The following ZNF667 variants were observed in gnomAD, a reference collection of about 807,000 sequenced individuals.
ZNF667 encodes the protein zinc finger protein 667.
ZNF667 carries 13 observed loss-of-function variants against 31.8 expected under a neutral mutation model. The ratio of observed to expected loss-of-function variants is 0.41; its 90% CI spans 0.27 to 0.65. ZNF667 has a LOEUF of 0.65. Among genes scored for constraint, ZNF667 ranks in the 30% least tolerant of loss-of-function variants. ZNF667 has a pLI of 0.32. For synonymous variants in ZNF667, 228 were observed against 247.1 expected, an observed-to-expected ratio of 0.92 and a Z score of 0.73; for missense variants, 642 against 725.6, an observed-to-expected ratio of 0.88 and a Z score of 1.32.
chr19:56,467,557 T>C (rs188259627), intron 3 of ZNF667, among the ~76,000 whole-genome samples: 1 of 152,056 alleles, frequency 6.6e-6, no homozygotes, highest in Admixed American at 6.5e-5. Context: ...ATCCCAGAGC[T>C]TGAGGTCTCA....
chr19:56,441,633 G>A lies in ZNF667; in HGVS notation c.1362C>T (p.Arg454=). The change falls in exon 7 of 7, where the codon CGC becomes CGT. Residue 454 remains arginine (R), a synonymous_variant. Transcript: ENST00000504904. This position sits in a 1 kb window ranked among gnomAD's most constrained non-coding sequence, Gnocchi z 4.2. ...TTTGATGTTCAATAAGAAATGATTG[G>A]CGGCCGAAAACTTTACTACATTTAT... ...KCNKCSKVFG[R]QSFLIEHQRI... is the part of the protein sequence containing the mutation. The A allele has an allele frequency of 1.2e-6, 2 of 1,613,966 alleles. No individual in the cohort carries two copies. Among genetic ancestry groups the A allele is most frequent in the Non-Finnish European group, 1.7e-6 (2 of 1,179,956 alleles).
chr19:56,450,373 A>G (rs1007241698), intron 6 of ZNF667, among the ~76,000 whole-genome samples: 1 of 152,210 alleles, frequency 6.6e-6, no homozygotes, highest in Non-Finnish European at 1.5e-5. Context: ...TCCAGTGAAA[A>G]TGCCCTTCAA....
intron 3 of ZNF667, among the ~76,000 whole-genome samples, chr19:56,469,691 A>T (rs936311731): frequency 6.6e-6 from 1 of 151,792 alleles, no homozygotes; most frequent in Non-Finnish European, 1.5e-5. Flanking sequence ...TGGTTCAGAT[A>T]TTTTTTTTCA....
chr19:56,467,631 T>A (rs192528469), intron 3 of ZNF667: 1 of 152,354 alleles, frequency 6.6e-6, no homozygotes, highest in Admixed American at 6.5e-5. Flanking sequence ...ACTTCAGGAA[T>A]GTTTGACTGA....
At chr19:56,464,531 A>G (rs2043118048) in intron 3 of ZNF667, among the ~76,000 whole-genome samples, 1 of 152,214 alleles carries the variant, frequency 6.6e-6, no homozygotes, top group South Asian at 2.1e-4. Flanking sequence ...AACTTTAATG[A>G]TAAATGTGTT....
At chr19:56,469,950 C>T in intron 3 of ZNF667, 1 of 492,524 alleles carries the variant, frequency 2.0e-6, no homozygotes, top group Non-Finnish European at 4.1e-6. Flanking sequence ...TCACATGTAT[C>T]AGGTGCCACT....
chr19:56,477,131 CCGCCCACGCAAGCACCCGCGCAGA>C (rs1282948001), intron 1 of ZNF667, 117 bp downstream of exon 1: 1 of 152,254 alleles, frequency 6.6e-6, no homozygotes, highest in Non-Finnish European at 1.5e-5. Flanking sequence ...CGCGAGCCCA[CCGCCCACGCAAGCACCCGCGCAGA>C]CGCCCACGCC....
intron 3 of ZNF667, chr19:56,469,924 G>T (rs368383727): frequency 1.0e-5 from 5 of 493,356 alleles, no homozygotes; most frequent in Non-Finnish European, 2.0e-5. Context: ...CCACTAAACC[G>T]GGGTAGGGGT....
At chr19:56,453,216 T>C (rs901870997) in intron 6 of ZNF667, among the ~76,000 whole-genome samples, 1 of 152,084 alleles carries the variant, frequency 6.6e-6, no homozygotes, top group Non-Finnish European at 1.5e-5. Context: ...AACAATGAGA[T>C]TGAAGCTGTA....
chr19:56,462,539 A>T, intron 3 of ZNF667, 110 bp from the exon 4 acceptor site: 1 of 712,490 alleles, frequency 1.4e-6, no homozygotes, highest in Non-Finnish European at 2.5e-6. Flanking sequence ...ACGTGCACAC[A>T]CACACACAGA....
intron 3 of ZNF667, 121 bp from the exon 4 acceptor site, chr19:56,462,550 T>C: frequency 4.5e-6 from 3 of 673,300 alleles, no homozygotes; most frequent in Non-Finnish European, 8.0e-6. Context: ...CACACACAGA[T>C]GTCAGAACAC....
chr19:56,455,327 C>A (rs1346422631), intron 6 of ZNF667, among the ~76,000 whole-genome samples: 1 of 151,878 alleles, frequency 6.6e-6, no homozygotes, highest in Non-Finnish European at 1.5e-5. Flanking sequence ...TTGGTATATA[C>A]CCCCCCAAAA....
At chr19:56,467,169 A>C in intron 3 of ZNF667, 1 of 383,972 alleles carries the variant, frequency 2.6e-6, no homozygotes, top group South Asian at 1.9e-5. Flanking sequence ...TAAGGGGAAT[A>C]CTTGACTTCA....
At chr19:56,466,137 G>A (rs891915093) in intron 3 of ZNF667, among the ~76,000 whole-genome samples, 1 of 152,210 alleles carries the variant, frequency 6.6e-6, no homozygotes, top group Non-Finnish European at 1.5e-5. Flanking sequence ...CACTGGGAGA[G>A]GACTCCAGGG....
In ZNF667 at chr19:56,441,287, G is replaced by C. The variant is rs371730031; in HGVS notation, c.1708C>G (p.Leu570Val). 1 of 1,613,836 alleles carries C rather than the reference G, an allele frequency of 6.2e-7. No individual in the cohort carries two copies. The highest frequency in any genetic ancestry group is 8.5e-7 in the Non-Finnish European group (1 of 1,179,830). Residue 570 changes from leucine to valine, a missense_variant, in exon 7 of 7, where the codon CTT becomes GTT. By Grantham distance (32) the Leu-to-Val change is conservative. Transcript: ENST00000504904. This position sits in a 1 kb window ranked among gnomAD's most constrained non-coding sequence, Gnocchi z 4.2. ...GAATGACTTCTCTGATGTCGAATAA[G>C]GTCTGAGCCACTGCTAAATGCCTTC... ...CGKAFSSGSD[L>V]IRHQRSHSSE...
chr19:56,441,221 ATGCC>A lies in ZNF667; in HGVS notation c.1770_1773del (p.Lys590AsnfsTer8). On this transcript the variant is annotated frameshift_variant, in exon 7 of 7. Transcript: ENST00000504904. LOFTEE classifies it high-confidence loss of function. The surrounding 1 kb of genome is among the most constrained non-coding windows in gnomAD (Gnocchi z 4.2). ...CGAATCAGGGATGAACTCCGACTAT[ATGCC>A]TTCCCACATTTACTACATTCATAGG... 1 of 1,614,122 alleles carries A rather than the reference ATGCC, an allele frequency of 6.2e-7. No homozygotes were observed. Among genetic ancestry groups the A allele is most frequent in the Non-Finnish European group, 8.5e-7 (1 of 1,179,964 alleles).
chr19:56,469,996 T>C (rs746831969), intron 3 of ZNF667: 1 of 467,840 alleles, frequency 2.1e-6, no homozygotes, highest in South Asian at 1.5e-5. Flanking sequence ...TGTGAGCACA[T>C]TTGCCTTCTG....
At chr19:56,474,300 T>A (rs1276406291) in intron 1 of ZNF667, 176 bp from the exon 2 acceptor site, 1 of 152,294 alleles carries the variant, frequency 6.6e-6, no homozygotes, top group Non-Finnish European at 1.5e-5. Context: ...TTAAATGCAC[T>A]GCCACAGCCT....
In ZNF667 at chr19:56,441,903, G is replaced by A. The variant is rs3760850; in HGVS notation, c.1092C>T (p.Asp364=). 93,067 of 1,613,942 alleles carry A rather than the reference G, an allele frequency of 0.058. 8,942 individuals are homozygous for A. The highest frequency in any genetic ancestry group is 0.42 in the East Asian group (18,816 of 44,848). ...GGGTTGAAAGCCGCCTGAAGAACTT[G>A]TCACATTTATCACATTTGTACGGTT... ...SEKPYKCDKC[D]KFFRRLSTLI... is the part of the protein sequence containing the mutation. Residue 364 remains aspartate, a synonymous_variant, in exon 7 of 7, where the codon GAC becomes GAT. Coordinates refer to ENST00000504904, the MANE Select transcript of ZNF667 (RefSeq NM_001321356.2). This position sits in a 1 kb window ranked among gnomAD's most constrained non-coding sequence, Gnocchi z 4.2.
Sources: gnomAD v4.1 joint callset for allele counts (sites outside exome capture counted in the v4.1 genomes callset) on GRCh38, gnomAD v4.1.1 for gene constraint, Gnocchi (gnomAD v3.1) non-coding constraint, MANE v1.5 for transcripts, NCBI Gene and HGNC (gene_info 2026-07-23, HGNC 2026-07-21) for gene names.